The following MYC variants were observed in gnomAD, a reference collection of about 807,000 sequenced individuals.
MYC encodes the protein MYC proto-oncogene, bHLH transcription factor.
Under a neutral mutation model 30.5 loss-of-function variants are expected in MYC, and 1 was observed. The ratio of observed to expected loss-of-function variants is 0.03; its 90% confidence interval spans 0.01 to 0.16. The LOEUF (loss-of-function observed/expected upper bound fraction) is 0.16, where lower values mean the gene tolerates loss of function less well. Among genes scored for constraint, MYC ranks in the 10% least tolerant of loss-of-function variants. MYC has a pLI of 1.00. For missense variants in MYC, 508 were observed against 589.0 expected, an observed-to-expected ratio of 0.86 and a Z score of 1.42; for synonymous variants, 267 against 250.7, an observed-to-expected ratio of 1.07 and a Z score of -0.62.
chr8:127,741,147 C>T lies in MYC; in HGVS notation c.*189C>T. ...AAAAGAACTTTTTTATGCTTACCAT[C>T]TTTTTTTTTTCTTTAACAGATTTGT... On this transcript the variant is annotated 3_prime_UTR_variant, in exon 3 of 3. Coordinates refer to ENST00000621592, the MANE Select transcript of MYC (RefSeq NM_002467.6). The T allele has an allele frequency of 2.6e-6, 1 of 380,182 alleles. No homozygotes were observed. The highest frequency in any genetic ancestry group is 4.6e-6 in the Non-Finnish European group (1 of 217,234). The allele number at this position is 380,182 out of a possible 1,614,324, so 23.6% of individuals were successfully genotyped here.
rs1813707172 is a variant in MYC, at chr8:127,741,291, T to C, written c.*333T>C. On this transcript the variant is annotated 3_prime_UTR_variant, in exon 3 of 3. Coordinates refer to ENST00000621592, the MANE Select transcript of MYC (RefSeq NM_002467.6). ...TAGCAGTTACACAGAATTTCAATCC[T>C]AGTATATAGTACCTAGTATTATAGG... 3.8e-6 allele frequency: 1 copy of C among 265,206 alleles called. No individual in the cohort carries two copies. The highest frequency in any genetic ancestry group is 1.3e-4 in the South Asian group (1 of 7,672). 16.4% of individuals were successfully genotyped at this position (265,206 alleles called of 1,614,324 possible).
chr8:127,737,379 C>T (rs1056645953), intron 1 of MYC, among the ~76,000 whole-genome samples: 3 of 152,190 alleles, frequency 2.0e-5, no homozygotes, highest in African/African-American at 7.2e-5. Context: ...CCCTGACTCC[C>T]CTGCCGCGGC....
rs1338947909 is a variant in MYC, at chr8:127,736,572, T to A, written c.-22T>A. On this transcript the variant is annotated 5_prime_UTR_variant, in exon 1 of 3. Coordinates refer to ENST00000621592, the MANE Select transcript of MYC (RefSeq NM_002467.6). The stretch of plus-strand genomic sequence containing the variant: ...GCCAGGACCCGCTTCTCTGAAAGGC[T>A]CTCCTTGCAGCTGCTTAGACGCTGG... The A allele has an allele frequency of 6.2e-7, 1 of 1,613,974 alleles. No individual in the cohort carries two copies. The highest frequency in any genetic ancestry group is 1.7e-5 in the Admixed American group (1 of 60,010).
At chr8:127,737,535 T>A (rs1240914893) in intron 1 of MYC, among the ~76,000 whole-genome samples, 1 of 152,064 alleles carries the variant, frequency 6.6e-6, no homozygotes, top group Non-Finnish European at 1.5e-5. Flanking sequence ...ATCTCCGTAT[T>A]GAGTGCGAAG....
At chr8:127,739,751 T>C (rs1174406283) in intron 2 of MYC, among the ~76,000 whole-genome samples, 1 of 152,106 alleles carries the variant, frequency 6.6e-6, no homozygotes, top group Non-Finnish European at 1.5e-5. Flanking sequence ...CCTGAAGTGT[T>C]CTTGGTAAAG....
chr8:127,736,690 A>C (rs1185169361), intron 1 of MYC, 67 bp downstream of exon 1: 1 of 1,532,304 alleles, frequency 6.5e-7, no homozygotes, highest in African/African-American at 1.4e-5. Context: ...GATGAGTCGA[A>C]TGCCTAAATA....
rs4645958 is a variant in MYC, at chr8:127,738,167, C to G, written c.31-81C>G. 168,079 of 1,482,328 alleles carry G rather than the reference C, an allele frequency of 0.11. 11,172 individuals carry two copies. Among genetic ancestry groups the G allele is most frequent in the African/African-American group, 0.29 (20,759 of 71,302 alleles). The allele number at this position is 1,482,328 out of a possible 1,614,324, so 91.8% of individuals were successfully genotyped here. On this transcript the variant is annotated intron_variant, in intron 1 of 2. Coordinates refer to ENST00000621592, the MANE Select transcript of MYC (RefSeq NM_002467.6). The surrounding 1 kb of genome is among the most constrained non-coding windows in gnomAD (Gnocchi z 7.6). Reference sequence around the variant, plus strand: ...AGGGGAGAGGTTCGGGACTGTGGCGCGCACTGCGCGCTGCGCCAGGTTTCC... The same window carrying G: ...AGGGGAGAGGTTCGGGACTGTGGCGGGCACTGCGCGCTGCGCCAGGTTTCC...
chr8:127,740,708 G>A lies in MYC; in HGVS notation c.1115G>A (p.Arg372Gln), dbSNP rs878873271. 1.2e-6 allele frequency: 2 copies of A among 1,613,906 alleles called. No individual in the cohort carries two copies. The highest frequency in any genetic ancestry group is 1.7e-6 in the Non-Finnish European group (2 of 1,180,026). ...GACACCGAGGAGAATGTCAAGAGGCGAACACACAACGTCTTGGAGCGCCAG... is the reference window on the plus strand; with the variant it reads ...GACACCGAGGAGAATGTCAAGAGGCAAACACACAACGTCTTGGAGCGCCAG... Residue 372 changes from arginine to glutamine, a missense_variant, in exon 3 of 3, where the codon CGA (arginine) becomes CAA (glutamine). By Grantham distance (43) the Arg-to-Gln change is conservative (BLOSUM62 1). This residue lies in a region of MYC where 40 missense variants were observed against 78.4 expected (regional missense o/e 0.51). Coordinates refer to ENST00000621592, the MANE Select transcript of MYC (RefSeq NM_002467.6).
At position 127,738,874 on chromosome 8, in the gene MYC, G is replaced by T; in HGVS notation, c.657G>T (p.Ser219=). The change falls in exon 2 of 3, where the codon TCG becomes TCT. Residue 219 remains serine, a synonymous_variant. Coordinates refer to ENST00000621592, the MANE Select transcript of MYC (RefSeq NM_002467.6). This position sits in a 1 kb window ranked among gnomAD's most constrained non-coding sequence, Gnocchi z 7.6. ...CCTACCCTCTCAACGACAGCAGCTC[G>T]CCCAAGTCCTGCGCCTCGCAAGACT... 6.2e-7 allele frequency: 1 copy of T among 1,612,394 alleles called. No individual in the cohort carries two copies.
At position 127,740,896 on chromosome 8, in the gene MYC, T is replaced by C. The variant is rs768305838; in HGVS notation, c.1303T>C (p.Leu435=). Residue 435 remains leucine (L), a synonymous_variant, in exon 3 of 3, where the codon TTG becomes CTG. Coordinates refer to ENST00000621592, the MANE Select transcript of MYC (RefSeq NM_002467.6). Reference sequence around the variant, plus strand: ...AAAGCTCATTTCTGAAGAGGACTTGTTGCGGAAACGACGAGAACAGTTGAA... The same window carrying C: ...AAAGCTCATTTCTGAAGAGGACTTGCTGCGGAAACGACGAGAACAGTTGAA... 1.6e-5 allele frequency: 25 copies of C among 1,606,852 alleles called. No individual in the cohort carries two copies. In the East Asian group the frequency reaches 5.4e-4, roughly 34 times the overall value.
rs878995495 is a variant in MYC at position 127,736,543 on chromosome 8, C to T, written c.-51C>T. The T allele has an allele frequency of 6.2e-7, 1 of 1,609,162 alleles. No individual in the cohort carries two copies. The highest frequency in any genetic ancestry group is 1.3e-5 in the African/African-American group (1 of 74,780). On this transcript the variant is annotated 5_prime_UTR_variant, in exon 1 of 3. Transcript: ENST00000621592. ...TGCCCATTTGGGGACACTTCCCCGC[C>T]GCTGCCAGGACCCGCTTCTCTGAAA...
chr8:127,736,668 C>T, intron 1 of MYC, 45 bp downstream of exon 1: 9 of 1,599,960 alleles, frequency 5.6e-6, no homozygotes, highest in Non-Finnish European at 6.8e-6. Context: ...TTTTTTATCA[C>T]TTTAATGCTG....
At chr8:127,736,758 A>C in intron 1 of MYC, 135 bp downstream of exon 1, 3 of 1,011,544 alleles carry the variant, frequency 3.0e-6, no homozygotes, top group Non-Finnish European at 4.4e-6. Flanking sequence ...AGTTATGGTA[A>C]CTGGGGCTGG....
chr8:127,736,619 A>C lies in MYC; in HGVS notation c.26A>C (p.Asn9Thr). 6.2e-7 allele frequency: 1 copy of C among 1,614,168 alleles called. No homozygotes were observed. The highest frequency in any genetic ancestry group is 1.1e-5 in the South Asian group (1 of 91,076). The change falls in exon 1 of 3, where the codon AAC becomes ACC. Residue 9 changes from asparagine to threonine, a missense_variant. Asn to Thr is a moderately conservative substitution (Grantham distance 65). Transcript: ENST00000621592. Reference sequence around the variant, plus strand: ...CTGGATTTTTTTCGGGTAGTGGAAAACCAGGTAAGCACCGAAGTCCACTTG... The same window carrying C: ...CTGGATTTTTTTCGGGTAGTGGAAACCCAGGTAAGCACCGAAGTCCACTTG...
At position 127,741,051 on chromosome 8, in the gene MYC, A is replaced by T. The variant is rs1813703554; in HGVS notation, c.*93A>T. The T allele has an allele frequency of 8.3e-7, 1 of 1,209,860 alleles. No individual in the cohort carries two copies. The highest frequency in any genetic ancestry group is 2.9e-5 in the Admixed American group (1 of 34,422). 74.9% of individuals were successfully genotyped at this position (1,209,860 alleles called of 1,614,324 possible). On this transcript the variant is annotated 3_prime_UTR_variant, in exon 3 of 3. Coordinates refer to ENST00000621592, the MANE Select transcript of MYC (RefSeq NM_002467.6). ...AATGCATGATCAAATGCAACCTCAC[A>T]ACCTTGGCTGAGTCTTGAGACTGAA... is the stretch of plus-strand genomic sequence containing the variant.
In MYC at chr8:127,736,598, AT is replaced by A. The variant is rs1198480500; in HGVS notation, c.12del (p.Arg5GlyfsTer2). On this transcript the variant is annotated frameshift_variant, in exon 1 of 3. Coordinates refer to ENST00000621592, the MANE Select transcript of MYC (RefSeq NM_002467.6). LOFTEE classifies it high-confidence loss of function. The stretch of plus-strand genomic sequence containing the variant: ...CTCCTTGCAGCTGCTTAGACGCTGG[AT>A]TTTTTTCGGGTAGTGGAAAACCAGG... 11 of 1,614,098 alleles carry A rather than the reference AT, an allele frequency of 6.8e-6. No homozygotes were observed. In the South Asian group the frequency reaches 1.2e-4, roughly 18 times the overall value.
chr8:127,740,696 A>G lies in MYC; in HGVS notation c.1103A>G (p.Asn368Ser), dbSNP rs769010031. The G allele has an allele frequency of 6.2e-7, 1 of 1,614,136 alleles. No individual in the cohort carries two copies. Residue 368 changes from asparagine (N) to serine (S), a missense_variant, in exon 3 of 3, where the codon AAT becomes AGT. Asn to Ser is a conservative substitution (Grantham distance 46). Coordinates refer to ENST00000621592, the MANE Select transcript of MYC (RefSeq NM_002467.6). ...CCCAGGTCCTCGGACACCGAGGAGA[A>G]TGTCAAGAGGCGAACACACAACGTC...
chr8:127,737,704 G>A (rs1408167253), intron 1 of MYC, among the ~76,000 whole-genome samples: 1 of 152,096 alleles, frequency 6.6e-6, no homozygotes, highest in Non-Finnish European at 1.5e-5. Context: ...CGGGGGCGGT[G>A]GAGAGGGAAG....
rs2130103141 is a variant in MYC, at chr8:127,740,514, C to G, written c.921C>G (p.His307Gln). The change falls in exon 3 of 3, where the codon CAC (histidine) becomes CAG (glutamine). Residue 307 changes from histidine (H) to glutamine (Q), a missense_variant. This residue lies in a region of MYC where 364 missense variants were observed against 381.1 expected (regional missense o/e 0.96). Coordinates refer to ENST00000621592, the MANE Select transcript of MYC (RefSeq NM_002467.6). The stretch of plus-strand genomic sequence containing the variant: ...CTGGAGGCCACAGCAAACCTCCTCA[C>G]AGCCCACTGGTCCTCAAGAGGTGCC... The G allele has an allele frequency of 1.9e-6, 3 of 1,614,102 alleles. No homozygotes were observed. Among genetic ancestry groups the G allele is most frequent in the Non-Finnish European group, 2.5e-6 (3 of 1,180,026 alleles).
Sources: allele counts gnomAD v4.1 joint callset (sites outside exome capture counted in the v4.1 genomes callset), GRCh38; gene constraint gnomAD v4.1.1; regional missense constraint gnomAD v4.1.1; non-coding constraint Gnocchi (gnomAD v3.1); transcripts MANE v1.5; gene names NCBI Gene and HGNC (gene_info 2026-07-23, HGNC 2026-07-21).